The following ZNF674 variants were observed in gnomAD, a reference collection of about 807,000 sequenced individuals.
ZNF674 encodes the protein zinc finger family member 674.
ZNF674 carries 2 observed loss-of-function variants against 7.0 expected under a neutral mutation model. That is an observed-to-expected ratio of 0.29 (90% CI 0.12 to 0.90). ZNF674 has a LOEUF of 0.90. Among genes scored for constraint, ZNF674 ranks in the 40% least tolerant of loss-of-function variants. The pLI, the probability that ZNF674 is intolerant of heterozygous loss-of-function variation, is 0.57. For synonymous variants in ZNF674, 103 were observed against 145.2 expected (o/e 0.71, Z 2.09); for missense variants, 297 against 415.5 (o/e 0.71, Z 2.48).
At chrX:46,510,056 G>T (rs1292725806) in intron 5 of ZNF674, among the ~76,000 whole-genome samples, 1 of 101,857 alleles carries the variant, frequency 9.8e-6, no homozygotes, top group Non-Finnish European at 2.0e-5. Context: ...ACCAAACACC[G>T]CATGTTCTCA....
At chrX:46,519,308 T>TAGATAGAC (rs1426171510) in intron 5 of ZNF674, among the ~76,000 whole-genome samples, 3 of 106,939 alleles carry the variant, frequency 2.8e-5, no homozygotes, top group Non-Finnish European at 5.8e-5. Flanking sequence ...GATAGATAGA[T>TAGATAGAC]AGATAGATAG....
intron 3 of ZNF674, among the ~76,000 whole-genome samples, chrX:46,540,898 T>C (rs1236606201): frequency 9.3e-6 from 1 of 107,838 alleles, no homozygotes; most frequent in East Asian, 2.9e-4. Flanking sequence ...GCCCCGTCTC[T>C]ACTAAAAATA....
At chrX:46,501,387 G>T (rs977141605) in intron 5 of ZNF674, 52 bp from the exon 6 acceptor site, 1 of 1,121,947 alleles carries the variant, frequency 8.9e-7, no homozygotes, top group African/African-American at 1.8e-5. Flanking sequence ...TATAATTTAT[G>T]AAATAACTAA....
At chrX:46,509,768 AC>A (rs1941614573) in intron 5 of ZNF674, among the ~76,000 whole-genome samples, 1 of 99,689 alleles carries the variant, frequency 1.0e-5, no homozygotes, top group East Asian at 3.2e-4. Context: ...ATACCATTTG[AC>A]CCAGCCATCC....
In ZNF674 at chrX:46,497,887, T is replaced by C. The variant is rs1004622176; in HGVS notation, c.*1956A>G. 3 of 101,811 alleles carry C rather than the reference T, an allele frequency of 2.9e-5. No homozygotes were observed. Among genetic ancestry groups the C allele is most frequent in the Non-Finnish European group, 6.3e-5 (3 of 47,515 alleles). 8.4% of individuals were successfully genotyped at this position (101,811 alleles called of 1,213,427 possible). A position where few individuals can be genotyped will look rare whatever the true frequency, so the allele number is the denominator to read the frequency against. The stretch of plus-strand genomic sequence containing the variant: ...ACACTACACAGATATACCTAACTTT[T>C]TGTTCCATGTGTTTATCTATACACA... On this transcript the variant is annotated 3_prime_UTR_variant, in exon 6 of 6. Coordinates refer to ENST00000683375, the MANE Select transcript of ZNF674 (RefSeq NM_001190417.2).
At chrX:46,501,662 A>ATGTGTG (rs372308686) in intron 5 of ZNF674, among the ~76,000 whole-genome samples, 26 of 102,355 alleles carry the variant, frequency 2.5e-4, no homozygotes, top group South Asian at 2.2e-3. Flanking sequence ...TTGTATATAT[A>ATGTGTG]TGTGTGTGTG....
intron 5 of ZNF674, among the ~76,000 whole-genome samples, chrX:46,518,799 T>C (rs1341686846): frequency 3.2e-5 from 3 of 92,754 alleles, no homozygotes; most frequent in Admixed American, 1.2e-4. Flanking sequence ...GGCTGGAGAA[T>C]GGTGTGAACC....
chrX:46,541,374 A>G (rs1189389387), intron 3 of ZNF674, among the ~76,000 whole-genome samples: 1 of 110,565 alleles, frequency 9.0e-6, no homozygotes, highest in African/African-American at 3.3e-5. Context: ...AAAAAAAAAA[A>G]AAAGAAAAAG....
At chrX:46,515,293 T>C (rs1312459074) in intron 5 of ZNF674, among the ~76,000 whole-genome samples, 2 of 105,673 alleles carry the variant, frequency 1.9e-5, no homozygotes, top group African/African-American at 7.0e-5. Flanking sequence ...CACTTGAACC[T>C]GGGAGGCAGA....
At chrX:46,505,838 T>C (rs2146591036) in intron 5 of ZNF674, among the ~76,000 whole-genome samples, 1 of 109,396 alleles carries the variant, frequency 9.1e-6, no homozygotes, top group East Asian at 2.9e-4. Context: ...AGCCAGGTCA[T>C]GGTTCACTTG....
chrX:46,504,446 A>C (rs910357750), intron 5 of ZNF674, among the ~76,000 whole-genome samples: 2 of 109,062 alleles, frequency 1.8e-5, no homozygotes, highest in Non-Finnish European at 3.8e-5. Context: ...GGGTTCAAGC[A>C]ATTCTCCTGC....
chrX:46,516,863 G>T (rs1008420031), intron 5 of ZNF674, among the ~76,000 whole-genome samples: 1 of 111,133 alleles, frequency 9.0e-6, no homozygotes, highest in African/African-American at 3.3e-5. Flanking sequence ...CGGGCATGGT[G>T]GCAGGCACCT....
intron 3 of ZNF674, among the ~76,000 whole-genome samples, chrX:46,536,088 G>T (rs1357841915): frequency 1.8e-5 from 2 of 112,088 alleles, no homozygotes; most frequent in African/African-American, 6.5e-5. Flanking sequence ...GCATTTACAG[G>T]ACTCTATTCT....
intron 5 of ZNF674, among the ~76,000 whole-genome samples, chrX:46,507,737 T>C (rs952106669): frequency 8.9e-6 from 1 of 112,042 alleles, no homozygotes; most frequent in Admixed American, 9.6e-5. Flanking sequence ...TACATACGCA[T>C]GCCTTTGGGT....
At chrX:46,521,658 G>A (rs1333257134) in intron 5 of ZNF674, among the ~76,000 whole-genome samples, 3 of 109,756 alleles carry the variant, frequency 2.7e-5, no homozygotes, top group South Asian at 3.9e-4. Flanking sequence ...GGGAGGGGGG[G>A]GAGGTGGATC....
intron 2 of ZNF674, among the ~76,000 whole-genome samples, chrX:46,542,811 A>G (rs1942315611): frequency 8.9e-6 from 1 of 112,134 alleles, no homozygotes; most frequent in Admixed American, 9.5e-5. Context: ...AGCATACTAC[A>G]CAGGCTTTAA....
intron 5 of ZNF674, chrX:46,527,993 C>A: frequency 3.6e-6 from 1 of 280,761 alleles, no homozygotes; most frequent in Non-Finnish European, 6.3e-6. Flanking sequence ...GGTAAAAATA[C>A]ATAAGCACAA....
chrX:46,537,318 GA>G lies in ZNF674; in HGVS notation c.15+4754del, dbSNP rs771319280. On this transcript the variant is annotated intron_variant, in intron 3 of 5. Transcript: ENST00000683375. ...ATGCCTGGGATACTTTTGTCTAAATGAAAAAAAAAAAAGCAAATTTCAGAAA... is the reference window on the plus strand; with the variant it reads ...ATGCCTGGGATACTTTTGTCTAAATGAAAAAAAAAAAGCAAATTTCAGAAA... 2.4e-3 allele frequency among the ~76,000 whole-genome samples: 224 copies of G among 93,407 alleles called. 4 individuals are homozygous for G. In the South Asian group the frequency reaches 0.031, roughly 13 times the overall value. The allele number at this position is 93,407 out of a possible 115,157, so 81.1% of individuals were successfully genotyped here.
chrX:46,501,370 T>C, intron 5 of ZNF674, 35 bp from the exon 6 acceptor site: 2 of 1,170,765 alleles, frequency 1.7e-6, no homozygotes, highest in Non-Finnish European at 2.3e-6. Context: ...CAAACTTGTC[T>C]TCCCACTATA....
Sources: allele counts gnomAD v4.1 joint callset (sites outside exome capture counted in the v4.1 genomes callset), GRCh38; gene constraint gnomAD v4.1.1; transcripts MANE v1.5; gene names NCBI Gene and HGNC (gene_info 2026-07-23, HGNC 2026-07-21).